The following ALK variants were observed in gnomAD, a reference collection of about 807,000 sequenced individuals.
ALK encodes the protein ALK receptor tyrosine kinase, also known as ALK tyrosine kinase receptor.
A neutral mutation model predicts 163.1 loss-of-function variants in ALK; 74 were observed. That is an observed-to-expected ratio of 0.45 (90% CI 0.38 to 0.55). The LOEUF is 0.55. Among genes scored for constraint, ALK ranks in the 20% least tolerant of loss-of-function variants. The pLI is 0.00. For synonymous variants in ALK, 960 were observed against 843.2 expected, an observed-to-expected ratio of 1.14 and a Z score of -2.40; for missense variants, 2,063 against 2,105.3, an observed-to-expected ratio of 0.98 and a Z score of 0.39.
At chr2:29,867,742 G>A (rs773168447) in intron 1 of ALK, among the ~76,000 whole-genome samples, 2 of 152,184 alleles carry the variant, frequency 1.3e-5, no homozygotes, top group Non-Finnish European at 2.9e-5. Context: ...CATTCTTTAT[G>A]ACCTCAGCAA....
chr2:29,334,642 T>A (rs577028783), intron 5 of ALK, among the ~76,000 whole-genome samples: 1 of 152,342 alleles, frequency 6.6e-6, no homozygotes, highest in African/African-American at 2.4e-5. Context: ...CCCCAGGACC[T>A]GTCTTCCTGG....
chr2:29,920,732 G>T lies in ALK; in HGVS notation c.-73C>A. ...CTTCGCTCTCCCCGAGATGGGAAGAGGCTCTGAACAGTCCTTGGTACCCAG... is the reference window on the plus strand; with the variant it reads ...CTTCGCTCTCCCCGAGATGGGAAGATGCTCTGAACAGTCCTTGGTACCCAG... On this transcript the variant is annotated 5_prime_UTR_variant, in exon 1 of 29. Coordinates refer to ENST00000389048, the MANE Select transcript of ALK (RefSeq NM_004304.5). The T allele has an allele frequency of 1.5e-6, 2 of 1,353,540 alleles. No homozygotes were observed. Among genetic ancestry groups the T allele is most frequent in the South Asian group, 2.5e-5 (2 of 79,410 alleles). The allele number at this position is 1,353,540 out of a possible 1,614,324, so 83.8% of individuals were successfully genotyped here.
intron 3 of ALK, among the ~76,000 whole-genome samples, chr2:29,636,274 G>T (rs1382758655): frequency 6.6e-6 from 1 of 151,492 alleles, no homozygotes; most frequent in African/African-American, 2.4e-5. Context: ...GGAAGGATAG[G>T]CTTGCAACAA....
chr2:29,432,252 T>A (rs1320852651), intron 4 of ALK, among the ~76,000 whole-genome samples: 1 of 152,006 alleles, frequency 6.6e-6, no homozygotes, highest in African/African-American at 2.4e-5. Flanking sequence ...TCATGAATGG[T>A]TTTGTGCTGT....
intron 1 of ALK, among the ~76,000 whole-genome samples, chr2:29,753,278 A>G (rs563734983): frequency 2.0e-5 from 3 of 152,318 alleles, no homozygotes; most frequent in South Asian, 4.1e-4. Context: ...AACAAGTGCG[A>G]TTTGATCTGT....
At chr2:29,226,167 G>C (rs1663979912) in intron 18 of ALK, among the ~76,000 whole-genome samples, 1 of 152,102 alleles carries the variant, frequency 6.6e-6, no homozygotes, top group African/African-American at 2.4e-5. Context: ...GGGTTATTTA[G>C]TCTGAAGAAG....
intron 1 of ALK, among the ~76,000 whole-genome samples, chr2:29,789,206 G>T (rs1343483041): frequency 6.6e-6 from 1 of 152,196 alleles, no homozygotes; most frequent in Non-Finnish European, 1.5e-5. Flanking sequence ...TGCTTGTAAT[G>T]CTAGAGGATA....
intron 2 of ALK, among the ~76,000 whole-genome samples, chr2:29,712,688 G>A (rs188192311): frequency 3.0e-4 from 45 of 152,090 alleles, no homozygotes; most frequent in Middle Eastern, 6.8e-3. Context: ...TACATTAACA[G>A]GATGGGTGGT....
chr2:29,778,630 G>C (rs1020981854), intron 1 of ALK, among the ~76,000 whole-genome samples: 12 of 152,184 alleles, frequency 7.9e-5, no homozygotes, highest in Admixed American at 3.9e-4. Context: ...TGCTTTTTCT[G>C]TGCAGTGGCT....
chr2:29,917,392 T>C (rs1667862877), intron 1 of ALK, among the ~76,000 whole-genome samples: 1 of 152,174 alleles, frequency 6.6e-6, no homozygotes, highest in African/African-American at 2.4e-5. Flanking sequence ...TTTCTATAAA[T>C]CAGAGCCTAT....
At chr2:29,786,731 T>A (rs750028216) in intron 1 of ALK, among the ~76,000 whole-genome samples, 1 of 152,218 alleles carries the variant, frequency 6.6e-6, no homozygotes, top group African/African-American at 2.4e-5. Context: ...CTCTGCTTAT[T>A]GAGTTTACAT....
chr2:29,283,025 GGAAA>G (rs1295997684), intron 9 of ALK, among the ~76,000 whole-genome samples: 1 of 152,116 alleles, frequency 6.6e-6, no homozygotes, highest in Non-Finnish European at 1.5e-5. Context: ...GTTTTGATGA[GGAAA>G]GACATTGCTT....
intron 2 of ALK, among the ~76,000 whole-genome samples, chr2:29,707,979 A>G (rs1167172523): frequency 6.6e-6 from 1 of 152,172 alleles, no homozygotes; most frequent in African/African-American, 2.4e-5. Flanking sequence ...GATTCCCAAG[A>G]TGAGTTTTCC....
chr2:29,535,449 T>C (rs961913005), intron 3 of ALK, among the ~76,000 whole-genome samples: 9 of 152,266 alleles, frequency 5.9e-5, no homozygotes, highest in African/African-American at 2.2e-4. Flanking sequence ...ATCTGTTCAG[T>C]TATTGACCTT....
In ALK at chr2:29,328,412, A is replaced by G; in HGVS notation, c.1352T>C (p.Leu451Pro). ...FTCWNGTVLQ[L>P]GQACDFHQDC... is the part of the protein sequence containing the mutation. ...CTGGTGGAAGTCACAGGCCTGCCCAAGCTGGAGGACTGTCCCATTCCAACA... is the reference window on the plus strand; with the variant it reads ...CTGGTGGAAGTCACAGGCCTGCCCAGGCTGGAGGACTGTCCCATTCCAACA... The change falls in exon 6 of 29, where the codon CTT becomes CCT. Residue 451 changes from leucine (L) to proline (P), a missense_variant. Physicochemically the swap from Leu to Pro is moderately conservative, Grantham distance 98. Coordinates refer to ENST00000389048, the MANE Select transcript of ALK (RefSeq NM_004304.5). 1 of 1,614,204 alleles carries G rather than the reference A, an allele frequency of 6.2e-7. No homozygotes were observed. The highest frequency in any genetic ancestry group is 8.5e-7 in the Non-Finnish European group (1 of 1,180,030).
At chr2:29,349,535 C>G (rs551865302) in intron 5 of ALK, among the ~76,000 whole-genome samples, 28 of 152,206 alleles carry the variant, frequency 1.8e-4, no homozygotes, top group Non-Finnish European at 2.8e-4. Flanking sequence ...CTCATCTAGA[C>G]ACAAAACAAC....
At chr2:29,767,346 T>A (rs1299408587) in intron 1 of ALK, among the ~76,000 whole-genome samples, 1 of 152,142 alleles carries the variant, frequency 6.6e-6, no homozygotes, top group African/African-American at 2.4e-5. Flanking sequence ...CTCAGCAGGA[T>A]AAATGACACA....
chr2:29,292,461 T>C (rs984815941), intron 9 of ALK, among the ~76,000 whole-genome samples: 2 of 152,200 alleles, frequency 1.3e-5, no homozygotes, highest in Non-Finnish European at 2.9e-5. Flanking sequence ...GCCTTTCTTC[T>C]ATTTTGAGAA....
chr2:29,314,600 G>GA lies in ALK; in HGVS notation c.1647+3703dup, dbSNP rs36029118. On this transcript the variant is annotated intron_variant, in intron 8 of 28. Coordinates refer to ENST00000389048, the MANE Select transcript of ALK (RefSeq NM_004304.5). The stretch of plus-strand genomic sequence containing the variant: ...GGAACTGACCACCACAAATTGGGGG[G>GA]ATCCCATCTCATTTTTGGATCAAAT... Among the ~76,000 whole-genome samples the GA allele has an allele frequency of 5.3e-5, 8 of 152,104 alleles. 1 individual carries two copies. The highest frequency in any genetic ancestry group is 1.9e-4 in the African/African-American group (8 of 41,394).
Sources: allele counts gnomAD v4.1 joint callset (sites outside exome capture counted in the v4.1 genomes callset), GRCh38; gene constraint gnomAD v4.1.1; transcripts MANE v1.5; gene names NCBI Gene and HGNC (gene_info 2026-07-23, HGNC 2026-07-21).